The following MDM4 variants were observed in gnomAD, a reference collection of about 807,000 sequenced individuals.
The protein encoded by MDM4 is MDM4 regulator of p53.
MDM4 carries 2 observed loss-of-function variants against 60.2 expected under a neutral mutation model. That is an observed-to-expected ratio of 0.03 (90% CI 0.01 to 0.10). The LOEUF is 0.10. MDM4 is among the 10% of genes least tolerant of loss of function. MDM4 has a pLI of 1.00. For synonymous variants in MDM4, 202 were observed against 198.1 expected (o/e 1.02, Z -0.17); for missense variants, 447 against 577.5 (o/e 0.77, Z 2.32).
intron 4 of MDM4, among the ~76,000 whole-genome samples, chr1:204,531,172 C>T (rs1660816654): frequency 6.6e-6 from 1 of 152,190 alleles, no homozygotes; most frequent in African/African-American, 2.4e-5. Flanking sequence ...AGTGAAATTT[C>T]AGCCAAAAGC....
At chr1:204,531,861 A>C (rs923289317) in intron 4 of MDM4, among the ~76,000 whole-genome samples, 10 of 151,982 alleles carry the variant, frequency 6.6e-5, no homozygotes, top group Admixed American at 3.9e-4. Flanking sequence ...CTCCACCCCC[A>C]CTTTCCAATT....
At position 204,550,688 on chromosome 1, in the gene MDM4, C is replaced by A. The variant is rs1558339904; in HGVS notation, c.*1006C>A. 3.4e-5 allele frequency: 6 copies of A among 174,598 alleles called. No homozygotes were observed. Among genetic ancestry groups the A allele is most frequent in the African/African-American group, 1.2e-4 (5 of 41,626 alleles). The allele number at this position is 174,598 out of a possible 1,614,324, so 10.8% of individuals were successfully genotyped here. On this transcript the variant is annotated 3_prime_UTR_variant, in exon 11 of 11. Coordinates refer to ENST00000367182, the MANE Select transcript of MDM4 (RefSeq NM_002393.5). The stretch of plus-strand genomic sequence containing the variant: ...CCTCAGCTTCCCTCACAGGCATTCA[C>A]TATCACTCCCAGCTAATTAAAATAA...
chr1:204,541,081 T>C (rs1473486674), intron 7 of MDM4, among the ~76,000 whole-genome samples: 1 of 152,250 alleles, frequency 6.6e-6, no homozygotes, highest in African/African-American at 2.4e-5. Flanking sequence ...ATTAAATGTG[T>C]AATTTTATTC....
Position 204,555,289 on chromosome 1 carries a change from G to A in MDM4, c.*5607G>A, listed in dbSNP as rs1663464272. 1 of 169,038 alleles carries A rather than the reference G, an allele frequency of 5.9e-6. No individual in the cohort carries two copies. Among genetic ancestry groups the A allele is most frequent in the South Asian group, 2.0e-4 (1 of 4,958 alleles). The allele number at this position is 169,038 out of a possible 1,614,324, so 10.5% of individuals were successfully genotyped here. On this transcript the variant is annotated 3_prime_UTR_variant, in exon 11 of 11. Transcript: ENST00000367182. ...CCTGCCTCAGCCTCCCTAGTAGCTG[G>A]GACTATAGGCGCCCGCCACCACGCC...
chr1:204,536,718 TTAATG>T (rs1572493833), intron 5 of MDM4, among the ~76,000 whole-genome samples: 1 of 152,358 alleles, frequency 6.6e-6, no homozygotes. Flanking sequence ...CTCTTTTAGA[TTAATG>T]TAATATCTAA....
intron 3 of MDM4, chr1:204,529,394 G>C (rs1277758506): frequency 8.9e-7 from 1 of 1,124,122 alleles, no homozygotes; most frequent in African/African-American, 1.5e-5. Context: ...TGGGCTGCTG[G>C]GCACCGTAGG....
intron 1 of MDM4, among the ~76,000 whole-genome samples, chr1:204,520,011 C>T (rs1320602510): frequency 1.3e-5 from 2 of 152,126 alleles, no homozygotes; most frequent in Non-Finnish European, 2.9e-5. Context: ...GGCGCGGTGG[C>T]TTATGCCTGT....
chr1:204,557,815 A>G lies in MDM4; in HGVS notation c.*8133A>G, dbSNP rs980106710. On this transcript the variant is annotated 3_prime_UTR_variant, in exon 11 of 11. Coordinates refer to ENST00000367182, the MANE Select transcript of MDM4 (RefSeq NM_002393.5). ...GATCAGAGAATCACAAGAGCAGCAA[A>G]TGTGGTTTCATCAAGTGGGAAGAAA... 2 of 189,304 alleles carry G rather than the reference A, an allele frequency of 1.1e-5. No homozygotes were observed. The highest frequency in any genetic ancestry group is 6.2e-5 in the Admixed American group (1 of 16,212). 11.7% of individuals were successfully genotyped at this position (189,304 alleles called of 1,614,324 possible).
At chr1:204,526,214 C>T (rs1660126173) in intron 2 of MDM4, 146 bp from the exon 3 acceptor site, 3 of 643,314 alleles carry the variant, frequency 4.7e-6, no homozygotes, top group Admixed American at 5.1e-5. Flanking sequence ...TGTGATCACA[C>T]CACTGCACTC....
In MDM4 at chr1:204,551,892, A is replaced by G. The variant is rs1225876374; in HGVS notation, c.*2210A>G. On this transcript the variant is annotated 3_prime_UTR_variant, in exon 11 of 11. Coordinates refer to ENST00000367182, the MANE Select transcript of MDM4 (RefSeq NM_002393.5). ...TCCTTGCCCTAGACAGGGGTGTCCA[A>G]TCTTTTGGCTTCCCTGGTCCACAAT... 1.0e-5 allele frequency: 2 copies of G among 197,248 alleles called. No homozygotes were observed. Among genetic ancestry groups the G allele is most frequent in the African/African-American group, 2.3e-5 (1 of 43,084 alleles). 12.2% of individuals were successfully genotyped at this position (197,248 alleles called of 1,614,324 possible).
chr1:204,526,231 A>G (rs1660129378), intron 2 of MDM4, 129 bp from the exon 3 acceptor site: 2 of 708,698 alleles, frequency 2.8e-6, no homozygotes, highest in Non-Finnish European at 4.9e-6. Context: ...ACTCCAGCCA[A>G]GGCGACAGAG....
intron 10 of MDM4, 130 bp from the exon 11 acceptor site, chr1:204,548,983 T>C: frequency 4.7e-6 from 3 of 640,578 alleles, no homozygotes; most frequent in South Asian, 2.1e-5. Context: ...TAGAATTTGC[T>C]CAAATCCTAG....
At position 204,551,257 on chromosome 1, in the gene MDM4, G is replaced by A. The variant is rs1471785552; in HGVS notation, c.*1575G>A. On this transcript the variant is annotated 3_prime_UTR_variant, in exon 11 of 11. Coordinates refer to ENST00000367182, the MANE Select transcript of MDM4 (RefSeq NM_002393.5). ...GACAGCATTTTGCCATGTTGCCCAG[G>A]CTGGTCCCAAACTTCTAGCCTCAAG... 1 of 223,680 alleles carries A rather than the reference G, an allele frequency of 4.5e-6. No individual in the cohort carries two copies. The highest frequency in any genetic ancestry group is 2.2e-5 in the African/African-American group (1 of 44,662). 13.9% of individuals were successfully genotyped at this position (223,680 alleles called of 1,614,324 possible). A position where few individuals can be genotyped will look rare whatever the true frequency, so the allele number is the denominator to read the frequency against.
intron 1 of MDM4, among the ~76,000 whole-genome samples, chr1:204,519,329 G>A (rs1322896274): frequency 2.6e-5 from 4 of 151,980 alleles, no homozygotes; most frequent in African/African-American, 7.3e-5. Context: ...AAAAGAAACC[G>A]CGTCTCTACT....
At position 204,532,191 on chromosome 1, in the gene MDM4, C is replaced by G; in HGVS notation, c.288C>G (p.Ser96Arg). Residue 96 changes from serine (S) to arginine (R), a missense_variant and splice_region_variant, in exon 5 of 11, where the codon AGC (serine) becomes AGG (arginine). Ser to Arg is a moderately radical substitution (Grantham distance 110). Coordinates refer to ENST00000367182, the MANE Select transcript of MDM4 (RefSeq NM_002393.5). The stretch of plus-strand genomic sequence containing the variant: ...ATTTTTTATCTTCTCTCTTTAACAG[C>G]CCTCTCTATGATATGCTAAGAAAGA... ...GRQSFSVKDPSPLYDMLRKNL... is the reference protein window; with the variant it reads ...GRQSFSVKDPRPLYDMLRKNL... 1 of 1,587,892 alleles carries G rather than the reference C, an allele frequency of 6.3e-7. No individual in the cohort carries two copies. Among genetic ancestry groups the G allele is most frequent in the Non-Finnish European group, 8.6e-7 (1 of 1,157,268 alleles).
At chr1:204,545,531 T>C (rs1488412763) in intron 9 of MDM4, among the ~76,000 whole-genome samples, 1 of 152,138 alleles carries the variant, frequency 6.6e-6, no homozygotes, top group Non-Finnish European at 1.5e-5. Flanking sequence ...TCATCCTTTT[T>C]AGTTATTTAA....
intron 3 of MDM4, among the ~76,000 whole-genome samples, chr1:204,526,696 C>T (rs558328848): frequency 2.0e-5 from 3 of 152,252 alleles, no homozygotes; most frequent in African/African-American, 7.2e-5. Flanking sequence ...GTCTCCTGAC[C>T]TCATGATCCA....
chr1:204,524,262 A>G (rs1458118439), intron 1 of MDM4, among the ~76,000 whole-genome samples: 1 of 152,154 alleles, frequency 6.6e-6, no homozygotes, highest in Non-Finnish European at 1.5e-5. Flanking sequence ...AAAACCTTTG[A>G]AGAGGAATTT....
intron 2 of MDM4, among the ~76,000 whole-genome samples, chr1:204,526,033 TC>T (rs1660102157): frequency 1.3e-5 from 2 of 152,052 alleles, no homozygotes; most frequent in African/African-American, 2.4e-5. Context: ...GGTAGGCAGG[TC>T]TCTTGAGCCC....
Sources: gnomAD v4.1 joint callset for allele counts (sites outside exome capture counted in the v4.1 genomes callset) on GRCh38, gnomAD v4.1.1 for gene constraint, MANE v1.5 for transcripts, NCBI Gene and HGNC (gene_info 2026-07-23, HGNC 2026-07-21) for gene names.